The following RASGEF1A variants were observed in gnomAD, a reference collection of about 807,000 sequenced individuals.
RASGEF1A encodes the protein RasGEF domain family member 1A.
A neutral mutation model predicts 56.4 loss-of-function variants in RASGEF1A; 18 were observed. The ratio of observed to expected loss-of-function variants is 0.32; its 90% CI spans 0.22 to 0.47. The LOEUF is 0.47. Among genes scored for constraint, RASGEF1A ranks in the 20% least tolerant of loss-of-function variants. The pLI, the probability that RASGEF1A is intolerant of heterozygous loss-of-function variation, is 1.00. For synonymous variants in RASGEF1A, 245 were observed against 242.6 expected (o/e 1.01, Z -0.09); for missense variants, 422 against 627.1 (o/e 0.67, Z 3.49).
intron 1 of RASGEF1A, among the ~76,000 whole-genome samples, chr10:43,242,812 T>TG (rs753558389): frequency 2.0e-5 from 3 of 152,216 alleles, no homozygotes; most frequent in Non-Finnish European, 4.4e-5. Flanking sequence ...GGATTGCAGA[T>TG]GGAGTCTCGC....
intron 1 of RASGEF1A, among the ~76,000 whole-genome samples, chr10:43,251,188 CT>C (rs1248711694): frequency 6.6e-6 from 1 of 152,238 alleles, no homozygotes; most frequent in Admixed American, 6.5e-5. Context: ...GCAACCCAAC[CT>C]CTGAGACTCA....
At chr10:43,249,237 C>T (rs1271435067) in intron 1 of RASGEF1A, among the ~76,000 whole-genome samples, 1 of 152,216 alleles carries the variant, frequency 6.6e-6, no homozygotes, top group Non-Finnish European at 1.5e-5. Flanking sequence ...CTCCTCACTG[C>T]CCCACACCCA....
chr10:43,245,462 C>G (rs1840557561), intron 1 of RASGEF1A, among the ~76,000 whole-genome samples: 1 of 152,146 alleles, frequency 6.6e-6, no homozygotes, highest in South Asian at 2.1e-4. Context: ...AACTAGGAAA[C>G]AAAATCACAA....
chr10:43,200,850 T>G lies in RASGEF1A; in HGVS notation c.498A>C (p.Thr166=). 1.2e-6 allele frequency: 2 copies of G among 1,614,062 alleles called. No homozygotes were observed. The highest frequency in any genetic ancestry group is 1.7e-6 in the Non-Finnish European group (2 of 1,180,034). ...CAGCCAAGGACAGCAACAGGCTCTG[T>G]GTCATCTGGGCAATGGCCTTCTTCA... ...GTVKKAIAQM[T]QSLLLSLAAR... is the part of the protein sequence containing the mutation. Residue 166 remains threonine, a synonymous_variant, in exon 5 of 13, where the codon ACA becomes ACC. Coordinates refer to ENST00000395810, the MANE Select transcript of RASGEF1A (RefSeq NM_145313.4).
chr10:43,226,351 G>A (rs1212468630), intron 1 of RASGEF1A, among the ~76,000 whole-genome samples: 4 of 152,190 alleles, frequency 2.6e-5, no homozygotes, highest in African/African-American at 9.7e-5. Flanking sequence ...TGAGGCAGGA[G>A]AATTGCTTGA....
At chr10:43,209,297 C>T (rs757422190) in intron 1 of RASGEF1A, 75 of 830,606 alleles carry the variant, frequency 9.0e-5, no homozygotes, top group Non-Finnish European at 9.6e-5. Context: ...TATTCCCTTA[C>T]GCAGACGAGG....
intron 1 of RASGEF1A, among the ~76,000 whole-genome samples, chr10:43,225,095 T>C (rs1475965690): frequency 6.6e-6 from 1 of 151,764 alleles, no homozygotes; most frequent in African/African-American, 2.4e-5. Flanking sequence ...TGTCTCTGTT[T>C]CTGCGTGTGT....
At chr10:43,205,541 C>T (rs567124169) in intron 2 of RASGEF1A, among the ~76,000 whole-genome samples, 21 of 152,134 alleles carry the variant, frequency 1.4e-4, no homozygotes, top group Non-Finnish European at 2.1e-4. Flanking sequence ...CTCGGCTGGG[C>T]GTGCCCTCGC....
intron 1 of RASGEF1A, among the ~76,000 whole-genome samples, chr10:43,211,260 A>T (rs1170539455): frequency 6.6e-6 from 1 of 152,028 alleles, no homozygotes; most frequent in Non-Finnish European, 1.5e-5. Context: ...CTTGGAAGAG[A>T]GCAGATTTCC....
At chr10:43,203,692 C>G (rs80014764) in intron 2 of RASGEF1A, 6 of 1,176,834 alleles carry the variant, frequency 5.1e-6, no homozygotes, top group East Asian at 5.6e-5. Context: ...GATTCTCCCC[C>G]TCTCTGCCCC....
chr10:43,266,326 C>A (rs1302259424), intron 1 of RASGEF1A, among the ~76,000 whole-genome samples: 1 of 152,216 alleles, frequency 6.6e-6, no homozygotes, highest in Non-Finnish European at 1.5e-5. Flanking sequence ...GGCCCTGGAC[C>A]TCTCCCCCAA....
intron 3 of RASGEF1A, chr10:43,202,763 C>T (rs947588351): frequency 4.3e-6 from 2 of 464,106 alleles, no homozygotes; most frequent in Non-Finnish European, 8.8e-6. Flanking sequence ...CCCGCTCCCA[C>T]CACGCCCCTA....
intron 1 of RASGEF1A, among the ~76,000 whole-genome samples, chr10:43,223,046 C>T (rs1437990230): frequency 2.6e-5 from 4 of 151,950 alleles, no homozygotes; most frequent in South Asian, 4.1e-4. Context: ...CCCAAGAACA[C>T]AAAGCTATGC....
At chr10:43,260,102 T>A (rs1836498696) in intron 1 of RASGEF1A, among the ~76,000 whole-genome samples, 1 of 152,150 alleles carries the variant, frequency 6.6e-6, no homozygotes, top group Non-Finnish European at 1.5e-5. Flanking sequence ...AAGAGGCACA[T>A]TAAGTCACAT....
intron 1 of RASGEF1A, among the ~76,000 whole-genome samples, chr10:43,248,436 C>T (rs950443438): frequency 6.7e-6 from 1 of 150,278 alleles, no homozygotes; most frequent in Non-Finnish European, 1.5e-5. Flanking sequence ...TACACTAAAA[C>T]CCACTAAATC....
In RASGEF1A at chr10:43,198,182, G is replaced by A. The variant is rs375060390; in HGVS notation, c.1046C>T (p.Pro349Leu). The A allele has an allele frequency of 3.1e-6, 5 of 1,610,874 alleles. No individual in the cohort carries two copies. The highest frequency in any genetic ancestry group is 1.1e-5 in the South Asian group (1 of 90,970). ...ACGGTAGTTGCAGAAGTTGCTGGACGGGTCCATGTGATGCTGTGGGCACAG... is the reference window on the plus strand; with the variant it reads ...ACGGTAGTTGCAGAAGTTGCTGGACAGGTCCATGTGATGCTGTGGGCACAG... The part of the protein sequence containing the change: ...KFDVLEHHMD[P>L]SSNFCNYRTA... The change falls in exon 10 of 13, where the codon CCG (proline) becomes CTG (leucine). Residue 349 changes from proline to leucine, a missense_variant. Physicochemically the swap from Pro to Leu is moderately conservative, Grantham distance 98. This residue lies in a region of RASGEF1A where 149 missense variants were observed against 287.2 expected (regional missense o/e 0.52). Coordinates refer to ENST00000395810, the MANE Select transcript of RASGEF1A (RefSeq NM_145313.4).
chr10:43,253,088 G>A (rs1011877013), intron 1 of RASGEF1A, among the ~76,000 whole-genome samples: 2 of 152,180 alleles, frequency 1.3e-5, no homozygotes, highest in South Asian at 4.1e-4. Context: ...AGCCCAGGGA[G>A]GGCCCACAGG....
intron 1 of RASGEF1A, among the ~76,000 whole-genome samples, chr10:43,259,379 C>T (rs1174181952): frequency 1.3e-5 from 2 of 152,142 alleles, no homozygotes; most frequent in East Asian, 3.9e-4. Context: ...CAGTCATCCA[C>T]ACTTGCAGCC....
rs116232964 is a variant in RASGEF1A, at chr10:43,208,339, A to G, written c.-6-2217T>C. On this transcript the variant is annotated intron_variant, in intron 1 of 12. Coordinates refer to ENST00000395810, the MANE Select transcript of RASGEF1A (RefSeq NM_145313.4). Reference sequence around the variant, plus strand: ...TCTGACACCCCACAAACTCAGCCCCAGCCGATCCCCCACAGGGCAAGGCCA... The same window carrying G: ...TCTGACACCCCACAAACTCAGCCCCGGCCGATCCCCCACAGGGCAAGGCCA... 2.9e-3 allele frequency: 2,883 copies of G among 986,028 alleles called. 64 individuals are homozygous for G. The African/African-American group carries it at 0.047, about 16-fold the overall frequency. The allele number at this position is 986,028 out of a possible 1,614,324, so 61.1% of individuals were successfully genotyped here.
Sources: gnomAD v4.1 joint callset for allele counts (sites outside exome capture counted in the v4.1 genomes callset) on GRCh38, gnomAD v4.1.1 for gene constraint, gnomAD v4.1.1 regional missense constraint, MANE v1.5 for transcripts, NCBI Gene and HGNC (gene_info 2026-07-23, HGNC 2026-07-21) for gene names.